Variants in NAALADL2 observed in about 807,000 individuals in gnomAD.
The protein encoded by NAALADL2 is N-acetylated alpha-linked acidic dipeptidase like 2.
A neutral mutation model predicts 87.2 loss-of-function variants in NAALADL2; 76 were observed. That is an observed-to-expected ratio of 0.87 (90% CI 0.72 to 1.05). NAALADL2 has a LOEUF of 1.05. Ranked by LOEUF, NAALADL2 falls within the 50% of genes least tolerant of loss-of-function variation. The pLI is 0.00. For synonymous variants in NAALADL2, 354 were observed against 331.0 expected, an observed-to-expected ratio of 1.07 and a Z score of -0.75; for missense variants, 1,089 against 945.8, an observed-to-expected ratio of 1.15 and a Z score of -1.99.
In NAALADL2 at chr3:175,496,617, C is replaced by T. The variant is rs993106758; in HGVS notation, c.1653+24859C>T. Among the ~76,000 whole-genome samples, 42 of 152,180 alleles carry T rather than the reference C, an allele frequency of 2.8e-4. 4 individuals are homozygous for T. The highest frequency in any genetic ancestry group is 1.3e-3 in the Admixed American group (20 of 15,260). Reference sequence around the variant, plus strand: ...TCACCCAAGCTAGAGTGCAGTGGTGCTATCACAGCTCACTGCAGCTTTGAC... The same window carrying T: ...TCACCCAAGCTAGAGTGCAGTGGTGTTATCACAGCTCACTGCAGCTTTGAC... On this transcript the variant is annotated intron_variant, in intron 9 of 13. Transcript: ENST00000454872.
chr3:175,256,762 G>A (rs1750020373), intron 4 of NAALADL2: 1 of 288,292 alleles, frequency 3.5e-6, no homozygotes, highest in East Asian at 6.1e-5. Context: ...TTTCTTTAGA[G>A]AGAAAATACC....
At chr3:175,029,733 A>G (rs1752609487) in intron 1 of NAALADL2, among the ~76,000 whole-genome samples, 1 of 152,060 alleles carries the variant, frequency 6.6e-6, no homozygotes, top group African/African-American at 2.4e-5. Context: ...ATACTCAGAC[A>G]CACTAAACCC....
intron 1 of NAALADL2, among the ~76,000 whole-genome samples, chr3:174,985,519 C>G (rs1012470797): frequency 2.6e-5 from 4 of 152,312 alleles, no homozygotes; most frequent in Admixed American, 1.3e-4. Context: ...CTTAAAATTT[C>G]TACCTGTATA....
chr3:175,486,951 T>G (rs1470553397), intron 9 of NAALADL2, among the ~76,000 whole-genome samples: 1 of 152,164 alleles, frequency 6.6e-6, no homozygotes, highest in Non-Finnish European at 1.5e-5. Flanking sequence ...TAAGATGATT[T>G]CAGTAGCCTT....
chr3:175,617,201 G>A (rs1300690238), intron 10 of NAALADL2, among the ~76,000 whole-genome samples: 3 of 152,146 alleles, frequency 2.0e-5, no homozygotes, highest in Non-Finnish European at 2.9e-5. Flanking sequence ...AGGGAGGAGG[G>A]GAGGCCTGGA....
chr3:175,626,845 T>C (rs182945921), intron 10 of NAALADL2, among the ~76,000 whole-genome samples: 4 of 151,972 alleles, frequency 2.6e-5, no homozygotes, highest in Non-Finnish European at 5.9e-5. Flanking sequence ...CTACGTGTGT[T>C]TCACATTACA....
At chr3:175,094,757 AGTGTGTGTGT>A (rs369083345) in intron 1 of NAALADL2, among the ~76,000 whole-genome samples, 13 of 126,066 alleles carry the variant, frequency 1.0e-4, no homozygotes, top group East Asian at 7.0e-4. Flanking sequence ...CAGACACTAT[AGTGTGTGTGT>A]GTGTGTGTGT....
At chr3:174,825,843 C>T (rs186552786) in intron 3 of NAALADL2, among the ~76,000 whole-genome samples, 2 of 152,012 alleles carry the variant, frequency 1.3e-5, no homozygotes, top group South Asian at 2.1e-4. Flanking sequence ...CTGGCTAACA[C>T]GGTGAAACCT....
chr3:175,583,253 A>G (rs1399012094), intron 10 of NAALADL2, among the ~76,000 whole-genome samples: 1 of 152,154 alleles, frequency 6.6e-6, no homozygotes, highest in Non-Finnish European at 1.5e-5. Flanking sequence ...AAAAGACCAA[A>G]ATTCAAAATT....
intron 1 of NAALADL2, among the ~76,000 whole-genome samples, chr3:174,861,296 C>T (rs1441721573): frequency 1.3e-5 from 2 of 151,910 alleles, no homozygotes; most frequent in Non-Finnish European, 1.5e-5. Context: ...TAAAAAGAAC[C>T]GATGGTAGTT....
intron 3 of NAALADL2, among the ~76,000 whole-genome samples, chr3:174,840,178 G>A (rs3915682): frequency 0.47 from 71,717 of 151,062 alleles, 17,718 homozygotes; most frequent in African/African-American, 0.61. Context: ...TATATGAGAT[G>A]TATGATACAT....
intron 11 of NAALADL2, among the ~76,000 whole-genome samples, chr3:175,627,945 A>G (rs116109990): frequency 0.025 from 3,545 of 140,852 alleles, 54 homozygotes; most frequent in Non-Finnish European, 0.039. Context: ...GTACTTGTTT[A>G]TGATAATTTT....
chr3:174,534,082 TA>T (rs1721495776), intron 1 of NAALADL2, among the ~76,000 whole-genome samples: 1 of 152,174 alleles, frequency 6.6e-6, no homozygotes, highest in South Asian at 2.1e-4. Flanking sequence ...TATGTGTATA[TA>T]AAAATTGGAA....
In NAALADL2 at chr3:174,949,839, T is replaced by G. The variant is rs373358294; in HGVS notation, c.43+90389T>G. ...CGGAAGAAGAAGTGTGGAGCAAGAG[T>G]AATACTAATATGTGCCAAATAATAG... On this transcript the variant is annotated intron_variant, in intron 1 of 13. Transcript: ENST00000454872. Among the ~76,000 whole-genome samples the G allele has an allele frequency of 6.6e-5, 10 of 152,234 alleles. No individual in the cohort carries two copies. In the South Asian group the frequency reaches 2.1e-3, roughly 32 times the overall value.
intron 2 of NAALADL2, among the ~76,000 whole-genome samples, chr3:174,560,431 AG>A (rs1713455391): frequency 6.6e-6 from 1 of 152,330 alleles, no homozygotes; most frequent in Admixed American, 6.5e-5. Flanking sequence ...GAGCCTAAAA[AG>A]AATGTAGTTG....
At chr3:174,499,336 A>G (rs1365337378) in intron 1 of NAALADL2, among the ~76,000 whole-genome samples, 1 of 152,092 alleles carries the variant, frequency 6.6e-6, no homozygotes, top group Non-Finnish European at 1.5e-5. Context: ...GTTATCAGAT[A>G]CATAATTTGC....
chr3:174,961,613 G>A (rs558687222), intron 1 of NAALADL2, among the ~76,000 whole-genome samples: 1 of 152,024 alleles, frequency 6.6e-6, no homozygotes, highest in Non-Finnish European at 1.5e-5. Context: ...ATAGGAAACT[G>A]AGGGGAAAAG....
intron 1 of NAALADL2, among the ~76,000 whole-genome samples, chr3:174,969,042 C>T (rs1743258102): frequency 1.3e-5 from 2 of 152,252 alleles, no homozygotes; most frequent in South Asian, 2.1e-4. Context: ...TAAATAATTT[C>T]CCGAAGGTTA....
chr3:175,140,982 T>C (rs185184075), intron 2 of NAALADL2, among the ~76,000 whole-genome samples: 22 of 152,214 alleles, frequency 1.4e-4, no homozygotes, highest in Middle Eastern at 3.4e-3. Context: ...TTTTAAAAAA[T>C]AAATTCAGTG....
Sources: allele counts gnomAD v4.1 joint callset (sites outside exome capture counted in the v4.1 genomes callset), GRCh38; gene constraint gnomAD v4.1.1; transcripts MANE v1.5; gene names NCBI Gene and HGNC (gene_info 2026-07-23, HGNC 2026-07-21).